Variants in TASOR2 observed in about 807,000 individuals in gnomAD.
TASOR2 encodes the protein protein TASOR 2.
A neutral mutation model predicts 199.5 loss-of-function variants in TASOR2; 84 were observed. The observed-to-expected ratio is 0.42, with a 90% CI of 0.35 to 0.50. TASOR2 has a LOEUF of 0.50. Ranked by LOEUF, TASOR2 falls within the 20% of genes least tolerant of loss-of-function variation. The pLI, the probability that TASOR2 is intolerant of heterozygous loss-of-function variation, is 0.02. For missense variants in TASOR2, 2,796 were observed against 2,835.9 expected, an observed-to-expected ratio of 0.99 and a Z score of 0.32; for synonymous variants, 1,103 against 1,046.6, an observed-to-expected ratio of 1.05 and a Z score of -1.04.
At chr10:5,702,106 G>T (rs1448137868) in intron 1 of TASOR2, among the ~76,000 whole-genome samples, 1 of 152,108 alleles carries the variant, frequency 6.6e-6, no homozygotes. Flanking sequence ...GTCATATATG[G>T]CCTTTATTAC....
chr10:5,723,617 T>A, intron 6 of TASOR2, 60 bp from the exon 8 acceptor site: 1 of 1,126,604 alleles, frequency 8.9e-7, no homozygotes, highest in Admixed American at 2.8e-5. Flanking sequence ...AAACCAAAAC[T>A]TAAGAAAATT....
At chr10:5,762,674 C>A in intron 20 of TASOR2, 28 bp downstream of exon 21, 3 of 1,072,996 alleles carry the variant, frequency 2.8e-6, no homozygotes, top group Admixed American at 2.3e-5. Context: ...GTAACTTTCC[C>A]ATGTGAGTTG....
rs190998882 is a variant in TASOR2, at chr10:5,758,543, A to C, written c.6887-344A>C. The stretch of plus-strand genomic sequence containing the variant: ...ACAGCCGAAACCCTGTCTCAAAAAA[A>C]AAGGATTCTGTATTTAGAAACTTCA... On this transcript the variant is annotated intron_variant, in intron 17 of 20. Transcript: ENST00000328090. 1.3e-3 allele frequency among the ~76,000 whole-genome samples: 197 copies of C among 152,314 alleles called. 2 individuals carry two copies. Among genetic ancestry groups the C allele is most frequent in the Non-Finnish European group, 1.8e-3 (123 of 68,034 alleles).
At chr10:5,707,774 A>G (rs955899861) in intron 1 of TASOR2, among the ~76,000 whole-genome samples, 8 of 130,280 alleles carry the variant, frequency 6.1e-5, no homozygotes, top group South Asian at 2.7e-4. Flanking sequence ...ACACACACAC[A>G]CTTCTTCTGA....
At chr10:5,724,628 T>G (rs546013804) in intron 8 of TASOR2, 95 bp downstream of exon 9, 1,516 of 80,468 alleles carry the variant, frequency 0.019, 52 homozygotes, top group South Asian at 0.12. Flanking sequence ...ATATTATATA[T>G]ATATATAGAT....
chr10:5,760,892 A>G (rs969715848), intron 18 of TASOR2: 3 of 154,286 alleles, frequency 1.9e-5, no homozygotes, highest in African/African-American at 7.2e-5. Flanking sequence ...TCAGGGAAGC[A>G]AGAAACCAAG....
At position 5,685,937 on chromosome 10, in the gene TASOR2, G is replaced by A. The variant is rs1835761269; in HGVS notation, c.-288+762G>A. On this transcript the variant is annotated intron_variant, in intron 1 of 20. Transcript: ENST00000328090. The surrounding 1 kb of genome is among the most constrained non-coding windows in gnomAD (Gnocchi z 5.4). ...AAACTTAAATATGTGGCGTACAAGT[G>A]TATGGTATTATTGGAATGGCATTCG... Among the ~76,000 whole-genome samples the A allele has an allele frequency of 6.6e-6, 1 of 152,216 alleles. No individual in the cohort carries two copies. The highest frequency in any genetic ancestry group is 2.4e-5 in the African/African-American group (1 of 41,448).
intron 1 of TASOR2, among the ~76,000 whole-genome samples, chr10:5,702,381 TGTTTATCTGTGATATTG>T: frequency 6.6e-6 from 1 of 152,310 alleles, no homozygotes; most frequent in Middle Eastern, 3.4e-3. Context: ...TTTGCATCTA[TGTTTATCTGTGATATTG>T]GCCTGTAGTT....
chr10:5,759,286 C>G (rs1839429669), intron 18 of TASOR2, among the ~76,000 whole-genome samples: 1 of 152,134 alleles, frequency 6.6e-6, no homozygotes, highest in African/African-American at 2.4e-5. Context: ...ATATATGGAA[C>G]TTGTACCATT....
rs376710195 is a variant in TASOR2, at chr10:5,757,659, A to G, written c.6872A>G (p.Glu2291Gly). The change falls in exon 17 of 21, where the codon GAA becomes GGA. Residue 2291 changes from glutamate (E) to glycine (G), a missense_variant. By Grantham distance (98) the Glu-to-Gly change is moderately conservative (BLOSUM62 -2). This residue lies in a region of TASOR2 where 1,941 missense variants were observed against 1,924.9 expected (regional missense o/e 1.01). Coordinates refer to ENST00000328090, the Ensembl canonical transcript of TASOR2. ...GTGATATCAGATGACAAGATACTAG[A>G]AGCTGTAACATTAGGTTGGTCTTTA... 1.9e-6 allele frequency: 3 copies of G among 1,612,992 alleles called. No homozygotes were observed. The highest frequency in any genetic ancestry group is 2.7e-5 in the African/African-American group (2 of 74,984).
At chr10:5,713,579 A>G (rs1351970649) in intron 2 of TASOR2, among the ~76,000 whole-genome samples, 1 of 152,220 alleles carries the variant, frequency 6.6e-6, no homozygotes, top group Non-Finnish European at 1.5e-5. Context: ...AACATATAAT[A>G]AGGACTATAT....
exon 15 of TASOR2, chr10:5,747,626 C>G: frequency 6.2e-7 from 1 of 1,614,200 alleles, no homozygotes. Context: ...GTATCACCAG[C>G]GTCTAGTCCT....
intron 8 of TASOR2, 100 bp downstream of exon 9, chr10:5,724,633 ATAG>A (rs1833806450): frequency 6.1e-6 from 1 of 164,576 alleles, no homozygotes; most frequent in South Asian, 2.1e-4. Flanking sequence ...ATATATATAT[ATAG>A]ATAGATAGAT....
In TASOR2 at chr10:5,730,276, A is replaced by AGT. The variant is rs199923319; in HGVS notation, c.488-200_488-199dup. Reference sequence around the variant, plus strand: ...ATGTCAGATGATTCTTTTTCAGTTCAGTGTGTGTGTGTATGTAATTTCAAG... The same window carrying AGT: ...ATGTCAGATGATTCTTTTTCAGTTCAGTGTGTGTGTGTGTATGTAATTTCAAG... On this transcript the variant is annotated intron_variant, in intron 10 of 20. Transcript: ENST00000328090. This position sits in a 1 kb window ranked among gnomAD's most constrained non-coding sequence, Gnocchi z 4.1. 6.6e-6 allele frequency among the ~76,000 whole-genome samples: 1 copy of AGT among 151,960 alleles called. No homozygotes were observed. Among genetic ancestry groups the AGT allele is most frequent in the Non-Finnish European group, 1.5e-5 (1 of 68,006 alleles).
Position 5,742,055 on chromosome 10 carries a change from C to T in TASOR2, c.2328-42C>T. 6.4e-7 allele frequency: 1 copy of T among 1,572,524 alleles called. No homozygotes were observed. The highest frequency in any genetic ancestry group is 8.6e-7 in the Non-Finnish European group (1 of 1,160,256). Reference sequence around the variant, plus strand: ...TGATAAGGTAATCAACTAAAATAACCATTTTCAATGATTTTCATGTGTTCT... The same window carrying T: ...TGATAAGGTAATCAACTAAAATAACTATTTTCAATGATTTTCATGTGTTCT... On this transcript the variant is annotated intron_variant, in intron 13 of 20. Transcript: ENST00000328090. This position sits in a 1 kb window ranked among gnomAD's most constrained non-coding sequence, Gnocchi z 4.2.
intron 17 of TASOR2, 112 bp downstream of exon 18, chr10:5,757,785 G>GATATT: frequency 1.7e-6 from 2 of 1,160,118 alleles, no homozygotes; most frequent in Non-Finnish European, 2.5e-6. Flanking sequence ...AATATCAGTT[G>GATATT]CCCCCTACTG....
At chr10:5,712,342 C>A in intron 1 of TASOR2, 1 of 1,209,190 alleles carries the variant, frequency 8.3e-7, no homozygotes, top group Non-Finnish European at 1.0e-6. Context: ...CTCCCTTAAC[C>A]CCATCCTTTG....
exon 21 of TASOR2, chr10:5,763,132 T>C: frequency 1.8e-6 from 2 of 1,138,052 alleles, no homozygotes; most frequent in Non-Finnish European, 2.5e-6. Context: ...TGAACAGTCT[T>C]ACATTTGAAA....
intron 18 of TASOR2, 108 bp from the exon 20 acceptor site, chr10:5,761,182 G>C: frequency 1.1e-6 from 1 of 904,998 alleles, no homozygotes; most frequent in Admixed American, 2.5e-5. Flanking sequence ...AGAACGTCAA[G>C]AAGAAAGGCA....
Sources: allele counts gnomAD v4.1 joint callset (sites outside exome capture counted in the v4.1 genomes callset), GRCh38; gene constraint gnomAD v4.1.1; regional missense constraint gnomAD v4.1.1; non-coding constraint Gnocchi (gnomAD v3.1); transcripts MANE v1.5; gene names NCBI Gene and HGNC (gene_info 2026-07-23, HGNC 2026-07-21).